Variants in TMED5 observed in about 807,000 individuals in gnomAD.
TMED5 encodes transmembrane p24 trafficking protein 5.
Under a neutral mutation model 23.0 loss-of-function variants are expected in TMED5, and 27 were observed. That is an observed-to-expected ratio of 1.17 (90% CI 0.86 to 1.62). TMED5 has a LOEUF of 1.62. Among genes scored for constraint, TMED5 ranks in the 40% most tolerant of loss-of-function variants. The pLI is 0.00. For synonymous variants in TMED5, 97 were observed against 100.8 expected, an observed-to-expected ratio of 0.96 and a Z score of 0.23; for missense variants, 248 against 273.7, an observed-to-expected ratio of 0.91 and a Z score of 0.66.
At chr1:93,174,421 G>GT (rs1648838341) in intron 1 of TMED5, among the ~76,000 whole-genome samples, 1 of 152,208 alleles carries the variant, frequency 6.6e-6, no homozygotes, top group South Asian at 2.1e-4. Context: ...TGAAGTGGGA[G>GT]TATCACTTGT....
Position 93,173,679 on chromosome 1 carries a change from G to C in TMED5, c.189+6375C>G, listed in dbSNP as rs949584009. Among the ~76,000 whole-genome samples, 4 of 152,200 alleles carry C rather than the reference G, an allele frequency of 2.6e-5. No homozygotes were observed. The East Asian group carries it at 7.7e-4, about 29-fold the overall frequency. On this transcript the variant is annotated intron_variant, in intron 1 of 3. Coordinates refer to ENST00000370282, the MANE Select transcript of TMED5 (RefSeq NM_016040.5). ...CTTTAAGAAAAGTCAAGAGAGCAGA[G>C]CCGTAAGAACCAGAGGAAAACAAAT...
At position 93,154,543 on chromosome 1, in the gene TMED5, A is replaced by G. The variant is rs1338440962; in HGVS notation, c.*127T>C. 5 of 659,156 alleles carry G rather than the reference A, an allele frequency of 7.6e-6. No individual in the cohort carries two copies. The highest frequency in any genetic ancestry group is 7.3e-5 in the African/African-American group (4 of 54,928). 40.8% of individuals were successfully genotyped at this position (659,156 alleles called of 1,614,324 possible). On this transcript the variant is annotated 3_prime_UTR_variant, in exon 4 of 4. Transcript: ENST00000370282. ...AGTGAAGACTTAATTTTCACATTAA[A>G]ATTATACCTGTTTCCTACTTTTATA... is the stretch of plus-strand genomic sequence containing the variant.
intron 1 of TMED5, chr1:93,160,595 C>T (rs1213815744): frequency 2.5e-5 from 4 of 162,648 alleles, no homozygotes; most frequent in East Asian, 1.7e-4. Flanking sequence ...CGGTGGCTCA[C>T]GCCTGTAATC....
intron 1 of TMED5, among the ~76,000 whole-genome samples, chr1:93,174,933 T>C (rs892447748): frequency 3.3e-5 from 5 of 151,666 alleles, no homozygotes; most frequent in African/African-American, 7.3e-5. Flanking sequence ...CTATTGTGAA[T>C]AGTGTTGCAC....
intron 1 of TMED5, among the ~76,000 whole-genome samples, chr1:93,165,201 T>A (rs562596690): frequency 6.6e-6 from 1 of 152,362 alleles, no homozygotes; most frequent in African/African-American, 2.4e-5. Context: ...CAGATTTTCC[T>A]GACTGGCAGA....
intron 3 of TMED5, 98 bp from the exon 4 acceptor site, chr1:93,154,986 CCTGGAA>C (rs1648011256): frequency 4.5e-6 from 4 of 890,710 alleles, no homozygotes; most frequent in Admixed American, 5.0e-5. Context: ...GCCTTGTAAT[CCTGGAA>C]CTTTGGGAGA....
chr1:93,160,304 T>G, intron 1 of TMED5, 78 bp from the exon 2 acceptor site: 1 of 811,604 alleles, frequency 1.2e-6, no homozygotes, highest in South Asian at 1.7e-5. Flanking sequence ...GATCATATGA[T>G]GTAAAGATTA....
At chr1:93,179,875 C>T (rs886776918) in intron 1 of TMED5, 179 bp downstream of exon 1, 1 of 590,666 alleles carries the variant, frequency 1.7e-6, no homozygotes, top group Non-Finnish European at 2.8e-6. Flanking sequence ...TTCTGGGTCC[C>T]CGGCCCCAGC....
At chr1:93,174,135 TTG>T (rs1265088717) in intron 1 of TMED5, among the ~76,000 whole-genome samples, 8 of 152,122 alleles carry the variant, frequency 5.3e-5, no homozygotes, top group African/African-American at 7.2e-5. Context: ...TTTTTGTTTT[TTG>T]TTTTTTCTTT....
chr1:93,156,591 C>T, intron 2 of TMED5, 108 bp from the exon 3 acceptor site: 1 of 808,304 alleles, frequency 1.2e-6, no homozygotes, highest in Non-Finnish European at 2.0e-6. Context: ...TGCCTCACAC[C>T]TGTAATCCCA....
intron 1 of TMED5, among the ~76,000 whole-genome samples, chr1:93,176,224 A>G (rs1314944647): frequency 6.6e-6 from 1 of 152,034 alleles, no homozygotes; most frequent in Non-Finnish European, 1.5e-5. Flanking sequence ...CAGGACCTCA[A>G]AGGTATCTTT....
chr1:93,163,353 T>C (rs1648355686), intron 1 of TMED5: 2 of 151,094 alleles, frequency 1.3e-5, no homozygotes, highest in African/African-American at 4.8e-5. Flanking sequence ...ATACTTTTTT[T>C]TTTTTTTTTG....
At chr1:93,158,171 T>C (rs1376629442) in intron 2 of TMED5, among the ~76,000 whole-genome samples, 1 of 151,090 alleles carries the variant, frequency 6.6e-6, no homozygotes, top group Non-Finnish European at 1.5e-5. Context: ...TAGTGATTAA[T>C]AGTGAGTTGG....
At chr1:93,159,175 T>C (rs1213295602) in intron 2 of TMED5, among the ~76,000 whole-genome samples, 1 of 152,198 alleles carries the variant, frequency 6.6e-6, no homozygotes, top group African/African-American at 2.4e-5. Context: ...GTTCTTACAA[T>C]AGTGTTATGT....
chr1:93,170,343 C>T (rs960876511), intron 1 of TMED5, among the ~76,000 whole-genome samples: 7 of 152,344 alleles, frequency 4.6e-5, no homozygotes, highest in African/African-American at 1.7e-4. Flanking sequence ...GCGTGGGCTC[C>T]GCGGCCCCGC....
Position 93,152,508 on chromosome 1 carries a change from T to G in TMED5, c.*2162A>C, listed in dbSNP as rs1196014856. Reference sequence around the variant, plus strand: ...TTTTTACTTTGTCTATAAAAATAATTGTCCTTAGTATTCCTAAATTCTTTT... The same window carrying G: ...TTTTTACTTTGTCTATAAAAATAATGGTCCTTAGTATTCCTAAATTCTTTT... On this transcript the variant is annotated 3_prime_UTR_variant, in exon 4 of 4. Transcript: ENST00000370282. 1 of 152,442 alleles carries G rather than the reference T, an allele frequency of 6.6e-6. No individual in the cohort carries two copies. The highest frequency in any genetic ancestry group is 1.5e-5 in the Non-Finnish European group (1 of 68,014). The allele number at this position is 152,442 out of a possible 1,614,324, so 9.4% of individuals were successfully genotyped here.
At chr1:93,157,374 A>T (rs1648110083) in intron 2 of TMED5, among the ~76,000 whole-genome samples, 1 of 152,226 alleles carries the variant, frequency 6.6e-6, no homozygotes, top group Non-Finnish European at 1.5e-5. Context: ...TGCTGAAGAA[A>T]AAAATGAATA....
rs1649300842 is a variant in TMED5 at position 93,180,316 on chromosome 1, T to C, written c.-74A>G. ...TCCGCTCCGCGTTTCCTCTCTGGACTCCTCGTGGTTGACAGGGAAATCTGG... is the reference window on the plus strand; with the variant it reads ...TCCGCTCCGCGTTTCCTCTCTGGACCCCTCGTGGTTGACAGGGAAATCTGG... On this transcript the variant is annotated 5_prime_UTR_variant, in exon 1 of 4. Transcript: ENST00000370282. 3.4e-6 allele frequency: 5 copies of C among 1,469,340 alleles called. No individual in the cohort carries two copies. In the East Asian group the frequency reaches 7.6e-5, roughly 22 times the overall value. The allele number at this position is 1,469,340 out of a possible 1,614,324, so 91.0% of individuals were successfully genotyped here.
intron 1 of TMED5, among the ~76,000 whole-genome samples, chr1:93,172,754 A>G (rs1489728031): frequency 6.6e-6 from 1 of 152,248 alleles, no homozygotes; most frequent in Non-Finnish European, 1.5e-5. Flanking sequence ...CACTTCTGGT[A>G]TACATCCAAA....
Sources: allele counts gnomAD v4.1 joint callset (sites outside exome capture counted in the v4.1 genomes callset), GRCh38; gene constraint gnomAD v4.1.1; transcripts MANE v1.5; gene names NCBI Gene and HGNC (gene_info 2026-07-23, HGNC 2026-07-21).